The following GCN1 variants were observed in gnomAD, a reference collection of about 807,000 sequenced individuals.
GCN1 encodes the protein GCN1 activator of EIF2AK4.
A neutral mutation model predicts 288.4 loss-of-function variants in GCN1; 90 were observed. That is an observed-to-expected ratio of 0.31 (90% CI 0.26 to 0.37). GCN1 has a LOEUF of 0.37. Among genes scored for constraint, GCN1 ranks in the 10% least tolerant of loss-of-function variants. The pLI is 1.00. For missense variants in GCN1, 2,586 were observed against 3,419.9 expected, an observed-to-expected ratio of 0.76 and a Z score of 6.08; for synonymous variants, 1,386 against 1,420.2, an observed-to-expected ratio of 0.98 and a Z score of 0.54.
chr12:120,193,850 C>G (rs1879084503), intron 1 of GCN1, among the ~76,000 whole-genome samples: 1 of 152,194 alleles, frequency 6.6e-6, no homozygotes, highest in African/African-American at 2.4e-5. Flanking sequence ...TGGTCATTTT[C>G]TGGGCCTACA....
intron 12 of GCN1, 27 bp downstream of exon 12, chr12:120,175,126 CAAAAAAAAA>C (rs58560211): frequency 2.0e-5 from 21 of 1,064,984 alleles, no homozygotes; most frequent in Middle Eastern, 2.3e-4. Flanking sequence ...GACTTTCTCT[CAAAAAAAAA>C]AAAAAAAAAA....
chr12:120,155,611 T>C lies in GCN1; in HGVS notation c.3421A>G (p.Ile1141Val). Residue 1141 changes from isoleucine to valine, a missense_variant, in exon 29 of 58, where the codon ATC (isoleucine) becomes GTC (valine). This residue lies in a region of GCN1 where 332 missense variants were observed against 403.0 expected (regional missense o/e 0.82). Transcript: ENST00000300648. The surrounding 1 kb of genome is among the most constrained non-coding windows in gnomAD (Gnocchi z 4.9). ...TCTCACCTCTCAGCCAGCTTCCGGA[T>C]CTCCTCCTCCTTGTCAAACTTGACC... Reference protein sequence around the residue: ...WVVKFDKEEEIRKLAERLWSM... With the variant: ...WVVKFDKEEEVRKLAERLWSM... 5 of 1,614,042 alleles carry C rather than the reference T, an allele frequency of 3.1e-6. No homozygotes were observed. The highest frequency in any genetic ancestry group is 4.2e-6 in the Non-Finnish European group (5 of 1,179,982).
chr12:120,127,782 G>A lies in GCN1; in HGVS notation c.*67C>T. ...TTCCAAGCTCCCCATTGGAACAAAT[G>A]TATTTTCAAAAATGAAAACATTGAG... On this transcript the variant is annotated 3_prime_UTR_variant, in exon 58 of 58. Coordinates refer to ENST00000300648, the MANE Select transcript of GCN1 (RefSeq NM_006836.2). The A allele has an allele frequency of 1.3e-6, 2 of 1,556,836 alleles. No individual in the cohort carries two copies. Among genetic ancestry groups the A allele is most frequent in the East Asian group, 2.3e-5 (1 of 44,156 alleles).
In GCN1 at chr12:120,148,290, A is replaced by C; in HGVS notation, c.4603T>G (p.Cys1535Gly). Residue 1535 changes from cysteine (C) to glycine (G), a missense_variant, in exon 37 of 58, where the codon TGT (cysteine) becomes GGT (glycine). Transcript: ENST00000300648. ...AGCTTGGGCACAATGTTGGGTAGACAGGATGACAGCTGCTTAGGAGCACAG... is the reference window on the plus strand; with the variant it reads ...AGCTTGGGCACAATGTTGGGTAGACCGGATGACAGCTGCTTAGGAGCACAG... ...AYCAPKQLSS[C>G]LPNIVPKLTE... 6.2e-7 allele frequency: 1 copy of C among 1,614,182 alleles called. No individual in the cohort carries two copies. Among genetic ancestry groups the C allele is most frequent in the Non-Finnish European group, 8.5e-7 (1 of 1,179,992 alleles).
chr12:120,170,452 AAAG>A (rs1878280639), intron 14 of GCN1, 131 bp from the exon 15 acceptor site: 1 of 766,274 alleles, frequency 1.3e-6, no homozygotes, highest in African/African-American at 1.8e-5. Context: ...AATATCTCAA[AAAG>A]AAGTGAAGTG....
intron 47 of GCN1, 129 bp downstream of exon 47, chr12:120,138,194 T>A: frequency 1.1e-6 from 1 of 928,378 alleles, no homozygotes; most frequent in Non-Finnish European, 1.7e-6. Context: ...AGGGGAAGGA[T>A]GTAATGCTTG....
At chr12:120,163,936 G>A (rs925466980) in intron 18 of GCN1, among the ~76,000 whole-genome samples, 9 of 152,068 alleles carry the variant, frequency 5.9e-5, no homozygotes, top group African/African-American at 1.9e-4. Flanking sequence ...CAGCCTGGGC[G>A]ACATGGCGAG....
chr12:120,194,706 G>A lies in GCN1; in HGVS notation c.-9C>T. The A allele has an allele frequency of 1.3e-6, 2 of 1,509,394 alleles. No homozygotes were observed. The highest frequency in any genetic ancestry group is 2.9e-5 in the African/African-American group (2 of 69,478). 93.5% of individuals were successfully genotyped at this position (1,509,394 alleles called of 1,614,324 possible). A position where few individuals can be genotyped will look rare whatever the true frequency, so the allele number is the denominator to read the frequency against. On this transcript the variant is annotated 5_prime_UTR_variant, in exon 1 of 58. Coordinates refer to ENST00000300648, the MANE Select transcript of GCN1 (RefSeq NM_006836.2). The stretch of plus-strand genomic sequence containing the variant: ...TGCGTGTCCGCCGCCATCCTGCCGG[G>A]GCTGACTCCGGAACCGCTTCCGGAA...
chr12:120,155,830 A>G lies in GCN1; in HGVS notation c.3313-111T>C, dbSNP rs1434398538. ...TGTCCAAGATGTAGCCACTAACCGC[A>G]TGTGGCTAAAGTTAAATCAATTAAA... On this transcript the variant is annotated intron_variant, in intron 28 of 57. Transcript: ENST00000300648. This position sits in a 1 kb window ranked among gnomAD's most constrained non-coding sequence, Gnocchi z 4.9. The G allele has an allele frequency of 1.6e-5, 15 of 964,366 alleles. No individual in the cohort carries two copies. The South Asian group carries it at 1.7e-4, about 11-fold the overall frequency. The allele number at this position is 964,366 out of a possible 1,614,324, so 59.7% of individuals were successfully genotyped here. A position where few individuals can be genotyped will look rare whatever the true frequency, so the allele number is the denominator to read the frequency against.
Position 120,154,992 on chromosome 12 carries a change from G to A in GCN1, c.3679C>T (p.Pro1227Ser), listed in dbSNP as rs777744862. Residue 1227 changes from proline to serine, a missense_variant, in exon 31 of 58, where the codon CCT (proline) becomes TCT (serine). Physicochemically the swap from Pro to Ser is moderately conservative, Grantham distance 74. Coordinates refer to ENST00000300648, the MANE Select transcript of GCN1 (RefSeq NM_006836.2). ...DALGRVISES[P>S]PDQWEARCGL... ...TACCTGGCTTCCCACTGATCTGGAG[G>A]AGATTCTGAAATAACTCGTCCCAAA... The A allele has an allele frequency of 6.2e-7, 1 of 1,613,866 alleles. No individual in the cohort carries two copies. Among genetic ancestry groups the A allele is most frequent in the Admixed American group, 1.7e-5 (1 of 60,028 alleles).
chr12:120,192,995 C>T (rs913612409), intron 1 of GCN1, among the ~76,000 whole-genome samples: 2 of 152,092 alleles, frequency 1.3e-5, no homozygotes, highest in Admixed American at 1.3e-4. Flanking sequence ...CAGATCGTGC[C>T]ATTGCACTCC....
In GCN1 at chr12:120,141,163, T is replaced by G. The variant is rs562023085; in HGVS notation, c.5830-140A>C. 77 of 703,346 alleles carry G rather than the reference T, an allele frequency of 1.1e-4. No individual in the cohort carries two copies. In the Middle Eastern group the frequency reaches 1.6e-3, roughly 14 times the overall value. The allele number at this position is 703,346 out of a possible 1,614,324, so 43.6% of individuals were successfully genotyped here. A position where few individuals can be genotyped will look rare whatever the true frequency, so the allele number is the denominator to read the frequency against. On this transcript the variant is annotated intron_variant, in intron 44 of 57. Transcript: ENST00000300648. ...TAACTTCCCCAAATGCTCTTACCCC[T>G]AAAGAGCCCCCAAATACTCTCTGTA...
In GCN1 at chr12:120,173,812, A is replaced by G; in HGVS notation, c.1207T>C (p.Leu403=). 6 of 1,613,896 alleles carry G rather than the reference A, an allele frequency of 3.7e-6. No homozygotes were observed. The highest frequency in any genetic ancestry group is 5.1e-6 in the Non-Finnish European group (6 of 1,179,792). The change falls in exon 14 of 58, where the codon TTG becomes CTG. Residue 403 remains leucine, a synonymous_variant. Transcript: ENST00000300648. ...GCCAGGACTGAGACAGCGTGTACCAAGGTCCCTTCATGAACTAGGGCAAAA... is the reference window on the plus strand; with the variant it reads ...GCCAGGACTGAGACAGCGTGTACCAGGGTCCCTTCATGAACTAGGGCAAAA... ...FLQQEVHEGT[L]VHAVSVLALW... is the part of the protein sequence containing the mutation.
chr12:120,183,714 G>T, intron 4 of GCN1, 37 bp from the exon 5 acceptor site: 2 of 1,253,298 alleles, frequency 1.6e-6, no homozygotes, highest in Non-Finnish European at 2.3e-6. Flanking sequence ...CAGAGCAGCA[G>T]CCTCCACCTT....
chr12:120,149,246 G>T lies in GCN1; in HGVS notation c.4546+360C>A, dbSNP rs145547199. Among the ~76,000 whole-genome samples the T allele has an allele frequency of 5.3e-3, 809 of 152,204 alleles. 2 individuals carry two copies. Among genetic ancestry groups the T allele is most frequent in the Middle Eastern group, 6.8e-3 (2 of 294 alleles). On this transcript the variant is annotated intron_variant, in intron 36 of 57. Transcript: ENST00000300648. Reference sequence around the variant, plus strand: ...AACTGCCAGAGGGAGAGCTGGCCAGGCGTGGTGACTCACACCTGCAATCCC... The same window carrying T: ...AACTGCCAGAGGGAGAGCTGGCCAGTCGTGGTGACTCACACCTGCAATCCC...
At chr12:120,131,780 G>C in intron 54 of GCN1, 146 bp downstream of exon 54, 2 of 624,118 alleles carry the variant, frequency 3.2e-6, no homozygotes, top group East Asian at 5.7e-5. Context: ...CCCCTGGCCT[G>C]GATTTTGCTT....
chr12:120,158,574 C>G lies in GCN1; in HGVS notation c.2791G>C (p.Glu931Gln). 6.2e-7 allele frequency: 1 copy of G among 1,608,234 alleles called. No homozygotes were observed. Among genetic ancestry groups the G allele is most frequent in the East Asian group, 2.2e-5 (1 of 44,752 alleles). The change falls in exon 25 of 58, where the codon GAG (glutamate) becomes CAG (glutamine). Residue 931 changes from glutamate to glutamine, a missense_variant. Coordinates refer to ENST00000300648, the MANE Select transcript of GCN1 (RefSeq NM_006836.2). This position sits in a 1 kb window ranked among gnomAD's most constrained non-coding sequence, Gnocchi z 4.3. Reference sequence around the variant, plus strand: ...CACCAGGACTTATCCAGGACACACTCTGGCTTCAGCAGGCGCAGGGTCACG... The same window carrying G: ...CACCAGGACTTATCCAGGACACACTGTGGCTTCAGCAGGCGCAGGGTCACG... ...SHVTLRLLKP[E>Q]CVLDKSWCQE...
chr12:120,142,831 G>C lies in GCN1; in HGVS notation c.5606C>G (p.Ser1869Cys). The C allele has an allele frequency of 6.2e-7, 1 of 1,610,582 alleles. No homozygotes were observed. Among genetic ancestry groups the C allele is most frequent in the Non-Finnish European group, 8.5e-7 (1 of 1,176,724 alleles). ...SEDDNFGTAQ[S>C]NKAIITALGV... Reference sequence around the variant, plus strand: ...GAAAGCCACTGCAGGCACCTTGTTGGACTGGGCAGTTCCAAAGTTATCATC... The same window carrying C: ...GAAAGCCACTGCAGGCACCTTGTTGCACTGGGCAGTTCCAAAGTTATCATC... The change falls in exon 43 of 58, where the codon TCC becomes TGC. Residue 1869 changes from serine (S) to cysteine (C), a missense_variant. Around this residue, in one of 8 missense-constraint regions of GCN1, gnomAD observed 437 missense variants for 570.5 expected, o/e 0.77. Transcript: ENST00000300648. The surrounding 1 kb of genome is among the most constrained non-coding windows in gnomAD (Gnocchi z 4.9).
intron 53 of GCN1, among the ~76,000 whole-genome samples, chr12:120,132,774 C>T (rs556449718): frequency 1.3e-5 from 2 of 152,296 alleles, no homozygotes; most frequent in South Asian, 4.1e-4. Context: ...AACCACCAAC[C>T]AGGGACTCAA....
Sources: allele counts gnomAD v4.1 joint callset (sites outside exome capture counted in the v4.1 genomes callset), GRCh38; gene constraint gnomAD v4.1.1; regional missense constraint gnomAD v4.1.1; non-coding constraint Gnocchi (gnomAD v3.1); transcripts MANE v1.5; gene names NCBI Gene and HGNC (gene_info 2026-07-23, HGNC 2026-07-21).